The following GP6 variants were observed in gnomAD, a reference collection of about 807,000 sequenced individuals.
GP6 encodes the protein platelet glycoprotein VI.
In GP6, 45 loss-of-function variants were observed where a neutral mutation model predicts 37.3. That is an observed-to-expected ratio of 1.21 (90% CI 0.95 to 1.55). GP6 has a LOEUF of 1.55. Ranked by LOEUF, GP6 falls within the 40% of genes most tolerant of loss-of-function variation. The probability of loss-of-function intolerance (pLI) is 0.00; values close to 1 mark genes in which losing one functional copy is unlikely to be tolerated. For missense variants in GP6, 813 were observed against 760.2 expected, an observed-to-expected ratio of 1.07 and a Z score of -0.82; for synonymous variants, 340 against 316.4, an observed-to-expected ratio of 1.07 and a Z score of -0.79.
chr19:55,015,216 C>A (rs779244827), intron 7 of GP6, 51 bp from the exon 8 acceptor site: 1 of 1,549,872 alleles, frequency 6.5e-7, no homozygotes, highest in Non-Finnish European at 8.7e-7. Flanking sequence ...ACCTCCAGGA[C>A]CCCCTCCAAG....
intron 7 of GP6, among the ~76,000 whole-genome samples, 166 bp from the exon 8 acceptor site, chr19:55,015,331 T>C (rs937915504): frequency 7.2e-5 from 11 of 152,202 alleles, no homozygotes; most frequent in Non-Finnish European, 1.6e-4. Flanking sequence ...CAGGGCCAGA[T>C]GACCCCAATT....
rs755737487 is a variant in GP6, at chr19:55,027,599, G to T, written c.589C>A (p.Pro197Thr). ...CTACCTGTGACCACAAGCTCCAGGG[G>T]GTCGCTGGGGGCTGACCACAGGTAT... Residue 197 changes from proline to threonine, a missense_variant, in exon 4 of 8, where the codon CCC becomes ACC. Pro to Thr is a conservative substitution (Grantham distance 38). Coordinates refer to ENST00000310373, the MANE Select transcript of GP6 (RefSeq NM_001083899.2). 1.1e-5 allele frequency: 17 copies of T among 1,613,460 alleles called. No homozygotes were observed. Among genetic ancestry groups the T allele is most frequent in the Non-Finnish European group, 1.4e-5 (16 of 1,179,478 alleles).
chr19:55,025,171 C>T (rs775539581), intron 5 of GP6, 47 bp downstream of exon 5: 21 of 972,724 alleles, frequency 2.2e-5, no homozygotes, highest in African/African-American at 3.2e-5. Context: ...AGAAGGGGTC[C>T]GTGTACCTCA....
In GP6 at chr19:55,032,509, T is replaced by G. The variant is rs1844398499; in HGVS notation, c.64A>C (p.Ser22Arg). 1 of 1,613,698 alleles carries G rather than the reference T, an allele frequency of 6.2e-7. No individual in the cohort carries two copies. The highest frequency in any genetic ancestry group is 1.3e-5 in the African/African-American group (1 of 74,920). ...AGGGGTCTGGGGAAGGACTCACCACTCTGCGCTGGCACACGCCCCAGACAC... is the reference window on the plus strand; with the variant it reads ...AGGGGTCTGGGGAAGGACTCACCACGCTGCGCTGGCACACGCCCCAGACAC... The change falls in exon 2 of 8, where the codon AGT becomes CGT. Residue 22 changes from serine (S) to arginine (R), a missense_variant. Physicochemically the swap from Ser to Arg is moderately radical, Grantham distance 110. Coordinates refer to ENST00000310373, the MANE Select transcript of GP6 (RefSeq NM_001083899.2).
intron 5 of GP6, among the ~76,000 whole-genome samples, chr19:55,021,973 A>G (rs913241052): frequency 1.3e-5 from 2 of 150,226 alleles, no homozygotes; most frequent in African/African-American, 4.9e-5. Flanking sequence ...GTGACTGTTC[A>G]TGTCCTTTAC....
At chr19:55,016,616 C>G (rs1370039319) in intron 6 of GP6, among the ~76,000 whole-genome samples, 1 of 151,924 alleles carries the variant, frequency 6.6e-6, no homozygotes, top group Middle Eastern at 3.4e-3. Context: ...CCTTGTGATC[C>G]GCCCGCCTAG....
intron 5 of GP6, among the ~76,000 whole-genome samples, chr19:55,020,365 C>CCCAAT (rs925945940): frequency 6.6e-6 from 1 of 152,068 alleles, no homozygotes; most frequent in Non-Finnish European, 1.5e-5. Flanking sequence ...TCCTGATCCT[C>CCCAAT]TCCCTCCCCC....
intron 1 of GP6, chr19:55,032,891 A>G (rs36160338): frequency 0.18 from 25,734 of 144,420 alleles, 1,930 homozygotes; most frequent in African/African-American, 0.21. Flanking sequence ...GACACGGTGG[A>G]CTCGTTCGTG....
Position 55,030,656 on chromosome 19 carries a change from T to TA in GP6, c.325+1482dup, listed in dbSNP as rs200492513. ...CCGCGCCCGGCCCAACCTCTTCTCT[T>TA]AAAAAAAATAAATAAATAAGAAAAG... is the stretch of plus-strand genomic sequence containing the variant. On this transcript the variant is annotated intron_variant, in intron 3 of 7. Coordinates refer to ENST00000310373, the MANE Select transcript of GP6 (RefSeq NM_001083899.2). Among the ~76,000 whole-genome samples, 694 of 146,886 alleles carry TA rather than the reference T, an allele frequency of 4.7e-3. 14 individuals carry two copies. In the East Asian group the frequency reaches 0.055, roughly 12 times the overall value.
intron 1 of GP6, among the ~76,000 whole-genome samples, chr19:55,035,288 G>C (rs943032972): frequency 6.6e-6 from 1 of 152,184 alleles, no homozygotes; most frequent in South Asian, 2.1e-4. Context: ...GTGGGGTAAG[G>C]TTTGGGGAGA....
chr19:55,019,290 T>C (rs2073991083), intron 5 of GP6, among the ~76,000 whole-genome samples: 1 of 151,762 alleles, frequency 6.6e-6, no homozygotes, highest in African/African-American at 2.4e-5. Flanking sequence ...TTTTGTACTT[T>C]AGTAGAGGCG....
At position 55,014,866 on chromosome 19, in the gene GP6, C is replaced by T. The variant is rs779914827; in HGVS notation, c.1079G>A (p.Arg360Gln). 5 of 1,614,032 alleles carry T rather than the reference C, an allele frequency of 3.1e-6. No homozygotes were observed. Among genetic ancestry groups the T allele is most frequent in the East Asian group, 2.2e-5 (1 of 44,888 alleles). ...GCTCCACACACGCCAGTCTTTGAGT[C>T]GCCTCCCATGCCATGATCCCTCCCT... Residue 360 changes from arginine (R) to glutamine (Q), a missense_variant, in exon 8 of 8, where the codon CGA becomes CAA. Transcript: ENST00000310373.
chr19:55,029,888 G>GGAGGGGAGTGAGGCAGGGAA (rs2074496863), intron 3 of GP6, among the ~76,000 whole-genome samples: 4 of 152,026 alleles, frequency 2.6e-5, no homozygotes, highest in African/African-American at 2.4e-5. Context: ...GTGATGCTGT[G>GGAGGGGAGTGAGGCAGGGAA]GAGGGGAGTG....
chr19:55,020,707 A>G (rs956053150), intron 5 of GP6, among the ~76,000 whole-genome samples: 6 of 152,152 alleles, frequency 3.9e-5, no homozygotes, highest in African/African-American at 1.4e-4. Context: ...TTATAATACA[A>G]TGATTTATAT....
intron 5 of GP6, among the ~76,000 whole-genome samples, chr19:55,019,230 C>T (rs569147254): frequency 7.8e-4 from 118 of 151,950 alleles, no homozygotes; most frequent in Non-Finnish European, 1.1e-3. Context: ...CTCAGCCTCC[C>T]GAGTAGCTGG....
intron 1 of GP6, among the ~76,000 whole-genome samples, chr19:55,033,834 C>T (rs1273947715): frequency 2.0e-5 from 3 of 152,092 alleles, no homozygotes; most frequent in South Asian, 4.1e-4. Context: ...TAAGTCAGGA[C>T]GTCTCAGCAT....
At chr19:55,015,228 C>T in intron 7 of GP6, 63 bp from the exon 8 acceptor site, 1 of 1,549,760 alleles carries the variant, frequency 6.5e-7, no homozygotes, top group Non-Finnish European at 8.7e-7. Context: ...CCCTCCAAGC[C>T]ACATCTGGGC....
intron 4 of GP6, among the ~76,000 whole-genome samples, chr19:55,026,004 A>AG (rs1312150666): frequency 7.3e-5 from 1 of 13,716 alleles, no homozygotes; most frequent in East Asian, 4.0e-3. Flanking sequence ...TCCCCCCAAA[A>AG]AAAAAAAAAA....
At chr19:55,037,903 G>A (rs763797464) in intron 1 of GP6, among the ~76,000 whole-genome samples, 18 of 152,074 alleles carry the variant, frequency 1.2e-4, no homozygotes, top group Non-Finnish European at 2.5e-4. Context: ...TTACAGGCGT[G>A]AGCCACTGTG....
Sources: gnomAD v4.1 joint callset for allele counts (sites outside exome capture counted in the v4.1 genomes callset) on GRCh38, gnomAD v4.1.1 for gene constraint, MANE v1.5 for transcripts, NCBI Gene and HGNC (gene_info 2026-07-23, HGNC 2026-07-21) for gene names.